KRT78: variants seen among roughly 807,000 people sequenced by gnomAD.
KRT78 encodes keratin, type II cytoskeletal 78.
A neutral mutation model predicts 51.4 loss-of-function variants in KRT78; 55 were observed. That is an observed-to-expected ratio of 1.07 (90% CI 0.86 to 1.34). The LOEUF (loss-of-function observed/expected upper bound fraction) is 1.34. Ranked by LOEUF, KRT78 falls within the 40% of genes most tolerant of loss-of-function variation. The pLI is 0.00. For missense variants in KRT78, 652 were observed against 649.4 expected, an observed-to-expected ratio of 1.00 and a Z score of -0.04; for synonymous variants, 291 against 264.3, an observed-to-expected ratio of 1.10 and a Z score of -0.98.
In KRT78 at chr12:52,846,814, C is replaced by T. The variant is rs140241595; in HGVS notation, c.610G>A (p.Glu204Lys). 161 of 1,613,566 alleles carry T rather than the reference C, an allele frequency of 1.0e-4. No individual in the cohort carries two copies. The highest frequency in any genetic ancestry group is 1.3e-4 in the Non-Finnish European group (152 of 1,179,686). ...TCAAGTGTGGCACGCCTGTGGGCCT[C>T]CTCCTCATACCTGCCAAATAAGTAG... ...EEEYKSKYEEEAHRRATLEND... is the reference protein window; with the variant it reads ...EEEYKSKYEEKAHRRATLEND... The change falls in exon 3 of 9, where the codon GAG becomes AAG. Residue 204 changes from glutamate (E) to lysine (K), a missense_variant. Physicochemically the swap from Glu to Lys is moderately conservative, Grantham distance 56 (BLOSUM62 1). Transcript: ENST00000304620.
intron 4 of KRT78, among the ~76,000 whole-genome samples, chr12:52,845,827 G>A (rs1220953136): frequency 6.6e-6 from 1 of 151,982 alleles, no homozygotes; most frequent in Non-Finnish European, 1.5e-5. Context: ...AGTGGCGGGT[G>A]CCTGTAATCC....
chr12:52,848,177 T>G (rs965558047), intron 1 of KRT78, 56 bp from the exon 2 acceptor site: 1 of 1,588,990 alleles, frequency 6.3e-7, no homozygotes. Context: ...GTGCACAGCC[T>G]CTGGAAAGTA....
chr12:52,846,032 T>C (rs1940633835), intron 4 of KRT78, 165 bp downstream of exon 4: 2 of 600,998 alleles, frequency 3.3e-6, no homozygotes, highest in African/African-American at 3.7e-5. Context: ...GACCTAGCAA[T>C]TCACATAGTA....
intron 2 of KRT78, 122 bp from the exon 3 acceptor site, chr12:52,846,946 T>C: frequency 1.4e-6 from 1 of 693,480 alleles, no homozygotes; most frequent in South Asian, 1.7e-5. Flanking sequence ...AACAAGACAA[T>C]AACCAGCCCT....
chr12:52,840,712 T>C (rs1414986475), intron 6 of KRT78, among the ~76,000 whole-genome samples: 2 of 150,814 alleles, frequency 1.3e-5, no homozygotes, highest in Non-Finnish European at 1.5e-5. Flanking sequence ...TCTCAAAAAA[T>C]AGAAAGAAGA....
intron 6 of KRT78, 58 bp from the exon 7 acceptor site, chr12:52,840,042 A>G (rs766026266): frequency 6.4e-6 from 8 of 1,242,374 alleles, no homozygotes; most frequent in East Asian, 4.8e-5. Flanking sequence ...TAGCCTCTCA[A>G]AGCACCCACT....
chr12:52,848,011 G>A lies in KRT78; in HGVS notation c.495C>T (p.Cys165=). 5 of 1,614,122 alleles carry A rather than the reference G, an allele frequency of 3.1e-6. No homozygotes were observed. The highest frequency in any genetic ancestry group is 4.2e-6 in the Non-Finnish European group (5 of 1,179,970). The part of the protein sequence containing the change: ...QQGLEPVFEA[C]LDQLRKQLEQ... ...CCAGCTGCTTCCTGAGCTGATCCAGGCAGGCCTCAAAGACAGGCTCCAGGC... is the reference window on the plus strand; with the variant it reads ...CCAGCTGCTTCCTGAGCTGATCCAGACAGGCCTCAAAGACAGGCTCCAGGC... Residue 165 remains cysteine (C), a synonymous_variant, in exon 2 of 9, where the codon TGC becomes TGT. Transcript: ENST00000304620.
chr12:52,839,632 G>A, intron 7 of KRT78, 132 bp downstream of exon 7: 2 of 1,265,218 alleles, frequency 1.6e-6, no homozygotes, highest in South Asian at 1.4e-5. Context: ...CCTCTCTGCA[G>A]CGTCGGTTGC....
At chr12:52,845,655 C>A (rs1592146308) in intron 4 of KRT78, among the ~76,000 whole-genome samples, 1 of 152,148 alleles carries the variant, frequency 6.6e-6, no homozygotes, top group Non-Finnish European at 1.5e-5. Flanking sequence ...TTGTCTGTCT[C>A]CCAATAGAAA....
Position 52,848,713 on chromosome 12 carries a change from G to A in KRT78, c.218C>T (p.Pro73Leu). The A allele has an allele frequency of 1.2e-6, 2 of 1,612,134 alleles. No individual in the cohort carries two copies. The highest frequency in any genetic ancestry group is 1.1e-5 in the South Asian group (1 of 90,914). Residue 73 changes from proline to leucine, a missense_variant, in exon 1 of 9, where the codon CCT becomes CTT. Physicochemically the swap from Pro to Leu is moderately conservative, Grantham distance 98. Coordinates refer to ENST00000304620, the MANE Select transcript of KRT78 (RefSeq NM_173352.4). The stretch of plus-strand genomic sequence containing the variant: ...CCCCGGAGGGCACAGGGAGAGCCCA[G>A]GCCCACCACTCCACTCCCCAAACCG... Reference protein sequence around the residue: ...GVRFGEWSGGPGLSLCPPGGI... With the variant: ...GVRFGEWSGGLGLSLCPPGGI...
At chr12:52,847,691 G>C (rs1940673767) in intron 2 of KRT78, among the ~76,000 whole-genome samples, 1 of 152,166 alleles carries the variant, frequency 6.6e-6, no homozygotes, top group African/African-American at 2.4e-5. Context: ...TTTCCTCCAA[G>C]GTTCTCCAGA....
At chr12:52,840,144 C>T (rs1940458332) in intron 6 of KRT78, among the ~76,000 whole-genome samples, 160 bp from the exon 7 acceptor site, 1 of 152,156 alleles carries the variant, frequency 6.6e-6, no homozygotes, top group African/African-American at 2.4e-5. Context: ...CTGCAACAGG[C>T]TCCTCTCATT....
At chr12:52,847,692 G>A (rs17119673) in intron 2 of KRT78, among the ~76,000 whole-genome samples, 2 of 152,128 alleles carry the variant, frequency 1.3e-5, no homozygotes, top group African/African-American at 2.4e-5. Flanking sequence ...TTCCTCCAAG[G>A]TTCTCCAGAT....
rs774898960 is a variant in KRT78 at position 52,842,415 on chromosome 12, C to T, written c.1047+1678G>A. Among the ~76,000 whole-genome samples the T allele has an allele frequency of 2.6e-5, 4 of 152,148 alleles. No homozygotes were observed. The East Asian group carries it at 5.8e-4, about 22-fold the overall frequency. ...TCTACACCGCAGGAGGAGCAGGAAA[C>T]GGCCTCCCTCCCCTTGCCAATCTCT... On this transcript the variant is annotated intron_variant, in intron 6 of 8. Transcript: ENST00000304620.
chr12:52,839,026 G>T lies in KRT78; in HGVS notation c.*87C>A. ...CGCTGTGGGCTGGCTTGGGCTGTGGGCAGCGGACACGGAGTTGGCCTTGCA... is the reference window on the plus strand; with the variant it reads ...CGCTGTGGGCTGGCTTGGGCTGTGGTCAGCGGACACGGAGTTGGCCTTGCA... On this transcript the variant is annotated 3_prime_UTR_variant, in exon 9 of 9. Coordinates refer to ENST00000304620, the MANE Select transcript of KRT78 (RefSeq NM_173352.4). The T allele has an allele frequency of 6.8e-7, 1 of 1,480,184 alleles. No homozygotes were observed. Among genetic ancestry groups the T allele is most frequent in the Non-Finnish European group, 9.1e-7 (1 of 1,095,398 alleles). 91.7% of individuals were successfully genotyped at this position (1,480,184 alleles called of 1,614,324 possible). A position where few individuals can be genotyped will look rare whatever the true frequency, so the allele number is the denominator to read the frequency against.
intron 4 of KRT78, among the ~76,000 whole-genome samples, chr12:52,845,225 C>T (rs1340664551): frequency 6.6e-6 from 1 of 151,970 alleles, no homozygotes; most frequent in Non-Finnish European, 1.5e-5. Flanking sequence ...AGGCTGGTCT[C>T]GAACTCCTGA....
At chr12:52,841,720 C>T in intron 6 of KRT78, among the ~76,000 whole-genome samples, 1 of 152,134 alleles carries the variant, frequency 6.6e-6, no homozygotes, top group Non-Finnish European at 1.5e-5. Context: ...GAACTGGGAT[C>T]CTAACCCACG....
In KRT78 at chr12:52,848,018, T is replaced by G; in HGVS notation, c.488A>C (p.Glu163Ala). 3 of 1,614,184 alleles carry G rather than the reference T, an allele frequency of 1.9e-6. No homozygotes were observed. Residue 163 changes from glutamate to alanine, a missense_variant, in exon 2 of 9, where the codon GAG (glutamate) becomes GCG (alanine). Glu to Ala is a moderately radical substitution (Grantham distance 107). Transcript: ENST00000304620. Reference protein sequence around the residue: ...GSQQGLEPVFEACLDQLRKQL... With the variant: ...GSQQGLEPVFAACLDQLRKQL... ...CTTCCTGAGCTGATCCAGGCAGGCC[T>G]CAAAGACAGGCTCCAGGCCCTGCTG...
At position 52,848,909 on chromosome 12, in the gene KRT78, C is replaced by T. The variant is rs747556210; in HGVS notation, c.22G>A (p.Ala8Thr). MSLSPCR[A>T]QRGFSARSAC... Reference sequence around the variant, plus strand: ...GAGCGAGCGCTGAAGCCCCTCTGGGCCCGGCATGGGGAGAGAGACATGGCA... The same window carrying T: ...GAGCGAGCGCTGAAGCCCCTCTGGGTCCGGCATGGGGAGAGAGACATGGCA... The change falls in exon 1 of 9, where the codon GCC (alanine) becomes ACC (threonine). Residue 8 changes from alanine to threonine, a missense_variant. Ala to Thr is a moderately conservative substitution (Grantham distance 58). Coordinates refer to ENST00000304620, the MANE Select transcript of KRT78 (RefSeq NM_173352.4). 9.5e-6 allele frequency: 15 copies of T among 1,574,648 alleles called. No homozygotes were observed. Among genetic ancestry groups the T allele is most frequent in the South Asian group, 9.3e-5 (8 of 85,612 alleles).
Sources: allele counts gnomAD v4.1 joint callset (sites outside exome capture counted in the v4.1 genomes callset), GRCh38; gene constraint gnomAD v4.1.1; transcripts MANE v1.5; gene names NCBI Gene and HGNC (gene_info 2026-07-23, HGNC 2026-07-21).